The following ZFYVE1 variants were observed in gnomAD, a reference collection of about 807,000 sequenced individuals.
ZFYVE1 encodes zinc finger FYVE-type containing 1.
A neutral mutation model predicts 74.4 loss-of-function variants in ZFYVE1; 30 were observed. The observed-to-expected ratio is 0.40, with a 90% CI of 0.30 to 0.55. ZFYVE1 has a LOEUF of 0.55. Ranked by LOEUF, ZFYVE1 falls within the 20% of genes least tolerant of loss-of-function variation. The pLI is 0.42. For missense variants in ZFYVE1, 703 were observed against 1,011.6 expected, an observed-to-expected ratio of 0.69 and a Z score of 4.14; for synonymous variants, 335 against 385.1, an observed-to-expected ratio of 0.87 and a Z score of 1.52.
chr14:73,016,107 C>T (rs1188188164), intron 2 of ZFYVE1, among the ~76,000 whole-genome samples: 1 of 152,164 alleles, frequency 6.6e-6, no homozygotes. Flanking sequence ...ACTCTAACTA[C>T]CAGAAATCTT....
intron 2 of ZFYVE1, among the ~76,000 whole-genome samples, chr14:73,002,186 G>A (rs1330681600): frequency 6.6e-6 from 1 of 152,106 alleles, no homozygotes; most frequent in Non-Finnish European, 1.5e-5. Flanking sequence ...AGACCACATA[G>A]TGTACGACTC....
chr14:73,000,316 A>G (rs1488779748), intron 2 of ZFYVE1, among the ~76,000 whole-genome samples: 1 of 152,152 alleles, frequency 6.6e-6, no homozygotes, highest in East Asian at 1.9e-4. Flanking sequence ...ACAAGACAAC[A>G]AACGGCTGGG....
In ZFYVE1 at chr14:72,975,983, C is replaced by A. The variant is rs1039886724; in HGVS notation, c.1636-262G>T. 7.9e-6 allele frequency: 3 copies of A among 380,104 alleles called. No homozygotes were observed. Among genetic ancestry groups the A allele is most frequent in the African/African-American group, 2.0e-5 (1 of 49,150 alleles). 23.5% of individuals were successfully genotyped at this position (380,104 alleles called of 1,614,324 possible). ...ATGACACCTCCTCCAGGGGGCCCCG[C>A]ACCGCAGGCTGAGTTAAGAACCTTT... On this transcript the variant is annotated intron_variant, in intron 8 of 11. Transcript: ENST00000556143. This position sits in a 1 kb window ranked among gnomAD's most constrained non-coding sequence, Gnocchi z 4.1.
At chr14:73,019,630 G>A (rs1187481858) in intron 2 of ZFYVE1, among the ~76,000 whole-genome samples, 3 of 152,176 alleles carry the variant, frequency 2.0e-5, no homozygotes, top group Non-Finnish European at 4.4e-5. Flanking sequence ...GTGAGCTGGT[G>A]CTTTTGGCCA....
chr14:72,971,780 A>G (rs1020409217), intron 11 of ZFYVE1, among the ~76,000 whole-genome samples: 1 of 152,090 alleles, frequency 6.6e-6, no homozygotes, highest in African/African-American at 2.4e-5. Context: ...CTTGATCTTT[A>G]TGTATCTATG....
Position 72,971,008 on chromosome 14 carries a change from G to A in ZFYVE1, c.2208C>T (p.His736=), listed in dbSNP as rs1290778733. The change falls in exon 12 of 12, where the codon CAC becomes CAT. Residue 736 remains histidine, a synonymous_variant. Coordinates refer to ENST00000556143, the MANE Select transcript of ZFYVE1 (RefSeq NM_021260.4). ...KEFSIKLSKH[H]CRACGQGFCD... is the part of the protein sequence containing the mutation. ...AGAAGCCCTGTCCGCAGGCCCGGCA[G>A]TGGTGCTTGGAGAGCTTGATGCTGA... The A allele has an allele frequency of 1.2e-6, 2 of 1,614,152 alleles. No homozygotes were observed. The highest frequency in any genetic ancestry group is 1.7e-6 in the Non-Finnish European group (2 of 1,180,068).
In ZFYVE1 at chr14:72,997,965, T is replaced by C. The variant is rs1485382321; in HGVS notation, c.834A>G (p.Lys278=). ...HADRLHNDLF[K]FLGDASEAYL... ...AAGCTTCTGAGGCATCCCCAAGGAA[T>C]TTGAAGAGGTCGTTATGCAGCCGGT... Residue 278 remains lysine (K), a synonymous_variant, in exon 3 of 12, where the codon AAA becomes AAG. Coordinates refer to ENST00000556143, the MANE Select transcript of ZFYVE1 (RefSeq NM_021260.4). The C allele has an allele frequency of 1.9e-6, 3 of 1,614,068 alleles. No individual in the cohort carries two copies. In the Admixed American group the frequency reaches 5.0e-5, roughly 27 times the overall value.
At position 72,978,058 on chromosome 14, in the gene ZFYVE1, A is replaced by C. The variant is rs776599827; in HGVS notation, c.1518-14T>G. ...TCGATCACATACCTACAAGGAAAGC[A>C]AATCAATACTGTTACCCAGCCAGGT... On this transcript the variant is annotated splice_polypyrimidine_tract_variant and intron_variant, in intron 7 of 11. Coordinates refer to ENST00000556143, the MANE Select transcript of ZFYVE1 (RefSeq NM_021260.4). 1 of 1,614,158 alleles carries C rather than the reference A, an allele frequency of 6.2e-7. No homozygotes were observed.
rs780513478 is a variant in ZFYVE1 at position 72,970,959 on chromosome 14, G to A, written c.2257C>T (p.Arg753Trp). ...TCCCAGCCACGAGAAGGAACAGCCCGGCGGTCATGGGAGCACTCATCACAG... is the reference window on the plus strand; with the variant it reads ...TCCCAGCCACGAGAAGGAACAGCCCAGCGGTCATGGGAGCACTCATCACAG... ...GFCDECSHDR[R>W]AVPSRGWDHP... is the part of the protein sequence containing the mutation. The change falls in exon 12 of 12, where the codon CGG (arginine) becomes TGG (tryptophan). Residue 753 changes from arginine (R) to tryptophan (W), a missense_variant. Physicochemically the swap from Arg to Trp is moderately radical, Grantham distance 101 (BLOSUM62 -3). Around this residue, in one of 2 missense-constraint regions of ZFYVE1, gnomAD observed 492 missense variants for 790.0 expected, o/e 0.62. Coordinates refer to ENST00000556143, the MANE Select transcript of ZFYVE1 (RefSeq NM_021260.4). The A allele has an allele frequency of 3.7e-6, 6 of 1,614,244 alleles. No individual in the cohort carries two copies. The highest frequency in any genetic ancestry group is 4.2e-6 in the Non-Finnish European group (5 of 1,180,052).
chr14:73,015,302 G>C (rs1168083507), intron 2 of ZFYVE1, among the ~76,000 whole-genome samples: 1 of 74,644 alleles, frequency 1.3e-5, no homozygotes, highest in African/African-American at 5.2e-5. Flanking sequence ...GGAAAGAAGG[G>C]AGGGAGGGAG....
chr14:72,985,263 C>G (rs1198550872), intron 4 of ZFYVE1, among the ~76,000 whole-genome samples: 1 of 152,170 alleles, frequency 6.6e-6, no homozygotes, highest in African/African-American at 2.4e-5. Flanking sequence ...CCAAGCAATC[C>G]TCTTCCCTCA....
At chr14:72,978,491 C>T (rs189148541) in intron 6 of ZFYVE1, among the ~76,000 whole-genome samples, 12 of 140,228 alleles carry the variant, frequency 8.6e-5, no homozygotes, top group East Asian at 4.5e-4. Flanking sequence ...TGCTGCAGCC[C>T]AGGAGGTGGA....
chr14:72,975,375 G>A lies in ZFYVE1; in HGVS notation c.1806+176C>T, dbSNP rs1050547303. Among the ~76,000 whole-genome samples, 14 of 152,158 alleles carry A rather than the reference G, an allele frequency of 9.2e-5. No individual in the cohort carries two copies. Among genetic ancestry groups the A allele is most frequent in the African/African-American group, 3.4e-4 (14 of 41,426 alleles). On this transcript the variant is annotated intron_variant, in intron 9 of 11. Transcript: ENST00000556143. This position sits in a 1 kb window ranked among gnomAD's most constrained non-coding sequence, Gnocchi z 4.1. ...CAGGAAAACACGAAGGGAAATCAAT[G>A]GGCAAAGAGAAACTGGCTGCCTCAA...
chr14:72,981,775 GC>G lies in ZFYVE1; in HGVS notation c.1310+13del. 6.2e-7 allele frequency: 1 copy of G among 1,612,394 alleles called. No homozygotes were observed. Among genetic ancestry groups the G allele is most frequent in the Non-Finnish European group, 8.5e-7 (1 of 1,178,576 alleles). On this transcript the variant is annotated intron_variant, in intron 5 of 11. Coordinates refer to ENST00000556143, the MANE Select transcript of ZFYVE1 (RefSeq NM_021260.4). ...AAGGTATGGGGTGGGAGGTGGGGGAGCGGCCTTACTTACCCACAGCTGAGGC... is the reference window on the plus strand; with the variant it reads ...AAGGTATGGGGTGGGAGGTGGGGGAGGGCCTTACTTACCCACAGCTGAGGC...
chr14:73,015,407 G>C (rs1244018121), intron 2 of ZFYVE1, among the ~76,000 whole-genome samples: 1 of 104,988 alleles, frequency 9.5e-6, no homozygotes, highest in South Asian at 4.0e-4. Flanking sequence ...GAAGGAAGGG[G>C]GGGGAAGGAA....
Position 72,970,865 on chromosome 14 carries a change from C to G in ZFYVE1, c.*17G>C, listed in dbSNP as rs370303392. 660 of 1,612,726 alleles carry G rather than the reference C, an allele frequency of 4.1e-4. 3 individuals are homozygous for G. Among genetic ancestry groups the G allele is most frequent in the Middle Eastern group, 1.7e-4 (1 of 6,014 alleles). Reference sequence around the variant, plus strand: ...AGAACCTAAGGAATTGTGAAGGACTCGGAGAGGGGGCTGGGGTTAAAGGTC... The same window carrying G: ...AGAACCTAAGGAATTGTGAAGGACTGGGAGAGGGGGCTGGGGTTAAAGGTC... On this transcript the variant is annotated 3_prime_UTR_variant, in exon 12 of 12. Transcript: ENST00000556143.
chr14:73,018,043 C>T (rs1022461496), intron 2 of ZFYVE1, among the ~76,000 whole-genome samples: 11 of 152,174 alleles, frequency 7.2e-5, no homozygotes, highest in African/African-American at 1.2e-4. Flanking sequence ...TTTCTAGCCT[C>T]GAACATGCCA....
chr14:73,010,935 T>C (rs1368437538), intron 2 of ZFYVE1, among the ~76,000 whole-genome samples: 1 of 151,804 alleles, frequency 6.6e-6, no homozygotes, highest in Admixed American at 6.6e-5. Flanking sequence ...GGATTTTACA[T>C]ATGTTTTTCT....
chr14:73,015,048 T>A (rs1445459101), intron 2 of ZFYVE1, among the ~76,000 whole-genome samples: 2 of 151,688 alleles, frequency 1.3e-5, no homozygotes, highest in African/African-American at 2.4e-5. Context: ...CTGGTCAACA[T>A]GGTGAAACCC....
Sources: allele counts gnomAD v4.1 joint callset (sites outside exome capture counted in the v4.1 genomes callset), GRCh38; gene constraint gnomAD v4.1.1; regional missense constraint gnomAD v4.1.1; non-coding constraint Gnocchi (gnomAD v3.1); transcripts MANE v1.5; gene names NCBI Gene and HGNC (gene_info 2026-07-23, HGNC 2026-07-21).